Variants in ADAMTS12 observed in about 807,000 individuals in gnomAD.
ADAMTS12 encodes the protein ADAM metallopeptidase with thrombospondin type 1 motif 12.
ADAMTS12 carries 118 observed loss-of-function variants against 167.8 expected under a neutral mutation model. The ratio of observed to expected loss-of-function variants is 0.70; its 90% confidence interval spans 0.61 to 0.82. The LOEUF (loss-of-function observed/expected upper bound fraction) is 0.82. ADAMTS12 is among the 40% of genes least tolerant of loss of function. ADAMTS12 has a pLI of 0.00. For missense variants in ADAMTS12, 1,916 were observed against 1,998.8 expected (o/e 0.96, Z 0.79); for synonymous variants, 704 against 716.9 (o/e 0.98, Z 0.29).
chr5:33,801,045 G>A (rs1223608328), intron 2 of ADAMTS12, among the ~76,000 whole-genome samples: 1 of 152,160 alleles, frequency 6.6e-6, no homozygotes, highest in Non-Finnish European at 1.5e-5. Flanking sequence ...CATGGAGTCA[G>A]AAATTGAAGT....
chr5:33,726,249 C>G (rs1158932972), intron 3 of ADAMTS12, among the ~76,000 whole-genome samples: 2 of 152,260 alleles, frequency 1.3e-5, no homozygotes, highest in African/African-American at 4.8e-5. Flanking sequence ...ACTTCCTTGC[C>G]TCGGTGAGTA....
chr5:33,673,110 A>G (rs1741776005), intron 5 of ADAMTS12, among the ~76,000 whole-genome samples: 1 of 152,224 alleles, frequency 6.6e-6, no homozygotes, highest in Non-Finnish European at 1.5e-5. Flanking sequence ...ACAGAAAAGC[A>G]GATAACCTCT....
At chr5:33,642,980 A>T (rs10065767) in intron 10 of ADAMTS12, among the ~76,000 whole-genome samples, 9 of 151,860 alleles carry the variant, frequency 5.9e-5, no homozygotes, top group Non-Finnish European at 1.3e-4. Context: ...AAAGAAGATG[A>T]TAAGTGGCCT....
intron 2 of ADAMTS12, among the ~76,000 whole-genome samples, chr5:33,794,938 T>C (rs911230417): frequency 6.6e-6 from 1 of 152,154 alleles, no homozygotes; most frequent in Admixed American, 6.5e-5. Context: ...TGATGTCCTT[T>C]TTCTCCCAGA....
intron 23 of ADAMTS12, among the ~76,000 whole-genome samples, chr5:33,531,065 G>A (rs1183029423): frequency 6.6e-6 from 1 of 152,184 alleles, no homozygotes; most frequent in Non-Finnish European, 1.5e-5. Flanking sequence ...CACACATACA[G>A]AGGAGGAAAA....
At chr5:33,652,997 T>C (rs1740922939) in intron 7 of ADAMTS12, among the ~76,000 whole-genome samples, 1 of 152,186 alleles carries the variant, frequency 6.6e-6, no homozygotes, top group Non-Finnish European at 1.5e-5. Flanking sequence ...TTCTTTCCCA[T>C]ATGTATGCTT....
At chr5:33,880,694 G>A (rs1203528429) in intron 2 of ADAMTS12, among the ~76,000 whole-genome samples, 1 of 152,244 alleles carries the variant, frequency 6.6e-6, no homozygotes, top group Admixed American at 6.5e-5. Context: ...AGCACACAGA[G>A]TCAACTATTA....
At chr5:33,647,026 G>C (rs1740694111) in intron 9 of ADAMTS12, among the ~76,000 whole-genome samples, 1 of 152,014 alleles carries the variant, frequency 6.6e-6, no homozygotes, top group Non-Finnish European at 1.5e-5. Context: ...AGAAGATAAA[G>C]ATACATGATA....
At chr5:33,541,752 G>A (rs545751464) in intron 22 of ADAMTS12, among the ~76,000 whole-genome samples, 15 of 152,132 alleles carry the variant, frequency 9.9e-5, no homozygotes, top group Non-Finnish European at 1.8e-4. Context: ...CATAAGTGAA[G>A]GAGAAATAAA....
chr5:33,626,621 C>T lies in ADAMTS12; in HGVS notation c.2023-2270G>A, dbSNP rs566921550. On this transcript the variant is annotated intron_variant, in intron 13 of 23. Coordinates refer to ENST00000504830, the MANE Select transcript of ADAMTS12 (RefSeq NM_030955.4). ...GATGGTGGTGGTGGTGGTGAGGTGA[C>T]GGTGGTGGTGATTTGATGATGGTGT... 6.4e-3 allele frequency among the ~76,000 whole-genome samples: 566 copies of T among 88,402 alleles called. 6 individuals are homozygous for T. Among genetic ancestry groups the T allele is most frequent in the African/African-American group, 0.023 (511 of 21,778 alleles). The allele number at this position is 88,402 out of a possible 152,430, so 58.0% of individuals were successfully genotyped here.
At chr5:33,583,021 T>C (rs1382904915) in intron 18 of ADAMTS12, among the ~76,000 whole-genome samples, 1 of 152,198 alleles carries the variant, frequency 6.6e-6, no homozygotes, top group African/African-American at 2.4e-5. Context: ...TATTTTAAAA[T>C]GTGTAATTAA....
At chr5:33,598,766 G>A (rs927168873) in intron 16 of ADAMTS12, among the ~76,000 whole-genome samples, 1 of 152,180 alleles carries the variant, frequency 6.6e-6, no homozygotes, top group Non-Finnish European at 1.5e-5. Context: ...TCCAAAGGTG[G>A]CTGCAACAAT....
chr5:33,684,012 C>G lies in ADAMTS12; in HGVS notation c.678G>C (p.Lys226Asn). The stretch of plus-strand genomic sequence containing the variant: ...TGCTTGGCAAGTTGTGCCTCTCCCA[C>G]TTCTCCCGCCATAGCTCTTGCTTCT... ...ISQKQELWRE[K>N]WERHNLPSRS... Residue 226 changes from lysine to asparagine, a missense_variant, in exon 4 of 24, where the codon AAG (lysine) becomes AAC (asparagine). Coordinates refer to ENST00000504830, the MANE Select transcript of ADAMTS12 (RefSeq NM_030955.4). 6.2e-7 allele frequency: 1 copy of G among 1,603,742 alleles called. No homozygotes were observed. The highest frequency in any genetic ancestry group is 8.5e-7 in the Non-Finnish European group (1 of 1,174,254).
At chr5:33,879,466 G>A (rs1240711429) in intron 2 of ADAMTS12, among the ~76,000 whole-genome samples, 2 of 152,186 alleles carry the variant, frequency 1.3e-5, no homozygotes, top group Non-Finnish European at 2.9e-5. Flanking sequence ...TGAGAGCCAG[G>A]ATTGCAAAGG....
chr5:33,809,398 T>C (rs1747362417), intron 2 of ADAMTS12, among the ~76,000 whole-genome samples: 1 of 152,244 alleles, frequency 6.6e-6, no homozygotes, highest in African/African-American at 2.4e-5. Context: ...TTGTGGCTTC[T>C]ATTATTGCTA....
At chr5:33,792,745 A>T (rs1746624676) in intron 2 of ADAMTS12, among the ~76,000 whole-genome samples, 1 of 152,220 alleles carries the variant, frequency 6.6e-6, no homozygotes, top group Non-Finnish European at 1.5e-5. Context: ...AGCCAGTCAT[A>T]GCCTCTTCTC....
rs183660300 is a variant in ADAMTS12, at chr5:33,803,088, T to C, written c.490-51540A>G. Among the ~76,000 whole-genome samples, 22 of 151,944 alleles carry C rather than the reference T, an allele frequency of 1.4e-4. No individual in the cohort carries two copies. In the East Asian group the frequency reaches 4.1e-3, roughly 28 times the overall value. On this transcript the variant is annotated intron_variant, in intron 2 of 23. Coordinates refer to ENST00000504830, the MANE Select transcript of ADAMTS12 (RefSeq NM_030955.4). The stretch of plus-strand genomic sequence containing the variant: ...CACAAATGAGGTGGTAGACAGTCTC[T>C]CTAGAGGGCTAGGAAAAGACTCATA...
intron 18 of ADAMTS12, among the ~76,000 whole-genome samples, chr5:33,587,290 C>T (rs969354922): frequency 5.3e-5 from 8 of 152,146 alleles, no homozygotes; most frequent in Admixed American, 1.3e-4. Flanking sequence ...ACATATTTAT[C>T]ATCAAATATT....
intron 2 of ADAMTS12, among the ~76,000 whole-genome samples, chr5:33,763,448 G>A (rs895729287): frequency 2.0e-5 from 3 of 152,188 alleles, no homozygotes; most frequent in African/African-American, 7.2e-5. Flanking sequence ...CCAAAAGGAA[G>A]GTAGCCATGG....
Sources: gnomAD v4.1 joint callset for allele counts (sites outside exome capture counted in the v4.1 genomes callset) on GRCh38, gnomAD v4.1.1 for gene constraint, MANE v1.5 for transcripts, NCBI Gene and HGNC (gene_info 2026-07-23, HGNC 2026-07-21) for gene names.